ABCA4: variants seen among roughly 807,000 people sequenced by gnomAD.
ABCA4 encodes the protein retinal-specific phospholipid-transporting ATPase ABCA4.
Under a neutral mutation model 263.7 loss-of-function variants are expected in ABCA4, and 196 were observed. The ratio of observed to expected loss-of-function variants is 0.74; its 90% CI spans 0.66 to 0.84. The LOEUF (loss-of-function observed/expected upper bound fraction) is 0.84, where lower values mean the gene tolerates loss of function less well. ABCA4 is among the 40% of genes least tolerant of loss of function. The probability of loss-of-function intolerance (pLI) is 0.00; values close to 1 mark genes in which losing one functional copy is unlikely to be tolerated. For synonymous variants in ABCA4, 1,133 were observed against 1,094.2 expected (o/e 1.04, Z -0.70); for missense variants, 2,792 against 2,855.1 (o/e 0.98, Z 0.50).
chr1:94,066,872 G>A (rs147119680), intron 11 of ABCA4, among the ~76,000 whole-genome samples: 70 of 152,356 alleles, frequency 4.6e-4, no homozygotes, highest in African/African-American at 1.6e-3. Context: ...GCAGGCAGGA[G>A]CCACAAATAT....
chr1:94,028,793 C>T (rs1365850689), intron 30 of ABCA4, among the ~76,000 whole-genome samples: 1 of 151,002 alleles, frequency 6.6e-6, no homozygotes, highest in South Asian at 2.1e-4. Context: ...GCCTGTAATC[C>T]CCACTACTCG....
chr1:94,007,615 G>T lies in ABCA4; in HGVS notation c.6005+19C>A. On this transcript the variant is annotated intron_variant, in intron 43 of 49. Coordinates refer to ENST00000370225, the MANE Select transcript of ABCA4 (RefSeq NM_000350.3). ...GACCTGTGAGAGACTCCCTGAGACA[G>T]GAGGAGCAGGATACTCACCTCTTGC... is the stretch of plus-strand genomic sequence containing the variant. 6.3e-7 allele frequency: 1 copy of T among 1,592,426 alleles called. No individual in the cohort carries two copies. Among genetic ancestry groups the T allele is most frequent in the East Asian group, 2.2e-5 (1 of 44,780 alleles).
At chr1:94,110,315 C>G (rs1662569551) in intron 3 of ABCA4, among the ~76,000 whole-genome samples, 1 of 152,238 alleles carries the variant, frequency 6.6e-6, no homozygotes, top group Non-Finnish European at 1.5e-5. Context: ...TTGTAGGGCA[C>G]ATGCAGCCAT....
intron 40 of ABCA4, 42 bp from the exon 41 acceptor site, chr1:94,008,913 T>C: frequency 1.2e-6 from 2 of 1,606,650 alleles, no homozygotes; most frequent in Non-Finnish European, 1.7e-6. Context: ...GGCTGTACAG[T>C]GTCCTTGGCA....
intron 11 of ABCA4, among the ~76,000 whole-genome samples, chr1:94,074,158 T>C (rs1661477467): frequency 6.6e-6 from 1 of 152,136 alleles, no homozygotes; most frequent in Non-Finnish European, 1.5e-5. Context: ...ATCTGTTTTG[T>C]AAACAGACAC....
chr1:94,077,631 C>A, intron 11 of ABCA4, 59 bp downstream of exon 11: 2 of 1,490,850 alleles, frequency 1.3e-6, no homozygotes, highest in South Asian at 2.6e-5. Flanking sequence ...TAAGGGAGCT[C>A]TGGCCCCACT....
intron 6 of ABCA4, among the ~76,000 whole-genome samples, chr1:94,086,862 G>A (rs1490433292): frequency 6.6e-6 from 1 of 152,078 alleles, no homozygotes; most frequent in African/African-American, 2.4e-5. Context: ...CCAAGAATAC[G>A]AGATCAGCAC....
chr1:94,049,933 A>T (rs1660788309), intron 17 of ABCA4, among the ~76,000 whole-genome samples: 1 of 152,186 alleles, frequency 6.6e-6, no homozygotes, highest in Non-Finnish European at 1.5e-5. Flanking sequence ...CAGAAGGGCC[A>T]GTCAGTCTGC....
At chr1:94,012,530 A>G (rs12132787) in intron 38 of ABCA4, among the ~76,000 whole-genome samples, 29 of 152,182 alleles carry the variant, frequency 1.9e-4, no homozygotes, top group Admixed American at 3.9e-4. Flanking sequence ...ACTGAGTCCT[A>G]ATTATTTTTT....
In ABCA4 at chr1:93,993,079, T is replaced by C. The variant is rs1658912048; in HGVS notation, c.*158A>G. 2.1e-6 allele frequency: 2 copies of C among 946,890 alleles called. No individual in the cohort carries two copies. Among genetic ancestry groups the C allele is most frequent in the Non-Finnish European group, 3.2e-6 (2 of 618,984 alleles). The allele number at this position is 946,890 out of a possible 1,614,324, so 58.7% of individuals were successfully genotyped here. On this transcript the variant is annotated 3_prime_UTR_variant, in exon 50 of 50. Coordinates refer to ENST00000370225, the MANE Select transcript of ABCA4 (RefSeq NM_000350.3). ...TTTCGGTTTCCTTCTGAAAGACCTC[T>C]TTCTGAATTCGCTGCATGCTCCTCG...
Position 94,056,629 on chromosome 1 carries a change from C to A in ABCA4, c.2354G>T (p.Arg785Leu), listed in dbSNP as rs368457541. The change falls in exon 15 of 50, where the codon CGC becomes CTC. Residue 785 changes from arginine (R) to leucine (L), a missense_variant. Coordinates refer to ENST00000370225, the MANE Select transcript of ABCA4 (RefSeq NM_000350.3). ...AGCCTTCTTCAGCTCAGCGGTCATGCGGTCCTGCCAGGCGAAGCACAGGAT... is the reference window on the plus strand; with the variant it reads ...AGCCTTCTTCAGCTCAGCGGTCATGAGGTCCTGCCAGGCGAAGCACAGGAT... Reference protein sequence around the residue: ...PHILCFAWQDRMTAELKKAVS... With the variant: ...PHILCFAWQDLMTAELKKAVS... 7.4e-6 allele frequency: 12 copies of A among 1,613,378 alleles called. No homozygotes were observed. The highest frequency in any genetic ancestry group is 1.0e-5 in the Non-Finnish European group (12 of 1,180,000).
At position 94,079,473 on chromosome 1, in the gene ABCA4, C is replaced by T. The variant is rs1488335217; in HGVS notation, c.1100-12G>A. 8.1e-6 allele frequency: 13 copies of T among 1,614,156 alleles called. No individual in the cohort carries two copies. Among genetic ancestry groups the T allele is most frequent in the Non-Finnish European group, 1.1e-5 (13 of 1,180,016 alleles). On this transcript the variant is annotated splice_polypyrimidine_tract_variant and intron_variant, in intron 8 of 49. Coordinates refer to ENST00000370225, the MANE Select transcript of ABCA4 (RefSeq NM_000350.3). ...ATTACAAAAGGATGCTGCCAGGAGA[C>T]AAGGGACAGATTTTACAGAAACTCC...
chr1:94,021,319 T>C lies in ABCA4; in HGVS notation c.4939A>G (p.Arg1647Gly), dbSNP rs751534907. ...GTGATTCCATACTCCTCGGGGCTCC[T>C]GTCCTTAGGCAGGCTGGCCCGTAAG... ...AILRASLPKDRSPEEYGITVI... is the reference protein window; with the variant it reads ...AILRASLPKDGSPEEYGITVI... Residue 1647 changes from arginine (R) to glycine (G), a missense_variant, in exon 35 of 50, where the codon AGG becomes GGG. Transcript: ENST00000370225. The C allele has an allele frequency of 6.2e-7, 1 of 1,614,232 alleles. No individual in the cohort carries two copies. Among genetic ancestry groups the C allele is most frequent in the Non-Finnish European group, 8.5e-7 (1 of 1,180,042 alleles).
chr1:93,998,590 G>C (rs1383420756), intron 47 of ABCA4, among the ~76,000 whole-genome samples: 1 of 152,116 alleles, frequency 6.6e-6, no homozygotes, highest in Non-Finnish European at 1.5e-5. Flanking sequence ...AACTAGGAGA[G>C]AAAAACCATG....
chr1:94,121,098 C>T lies in ABCA4; in HGVS notation c.-53G>A. ...GTCAGAGCTGAGGCCCCTCAGACAG[C>T]AAAGGACATAAACGCCGTTAAGAGC... On this transcript the variant is annotated 5_prime_UTR_variant, in exon 1 of 50. Coordinates refer to ENST00000370225, the MANE Select transcript of ABCA4 (RefSeq NM_000350.3). 1 of 1,566,734 alleles carries T rather than the reference C, an allele frequency of 6.4e-7. No individual in the cohort carries two copies. Among genetic ancestry groups the T allele is most frequent in the Non-Finnish European group, 8.8e-7 (1 of 1,136,882 alleles).
chr1:94,040,512 A>G (rs1347611814), intron 23 of ABCA4, among the ~76,000 whole-genome samples: 2 of 152,208 alleles, frequency 1.3e-5, no homozygotes, highest in Non-Finnish European at 2.9e-5. Flanking sequence ...CTGCCATATC[A>G]TAATCATGAC....
chr1:94,018,875 T>C lies in ABCA4; in HGVS notation c.5196+707A>G, dbSNP rs556238197. 9.2e-5 allele frequency among the ~76,000 whole-genome samples: 14 copies of C among 151,818 alleles called. No individual in the cohort carries two copies. The South Asian group carries it at 2.7e-3, about 30-fold the overall frequency. On this transcript the variant is annotated intron_variant, in intron 36 of 49. Transcript: ENST00000370225. The stretch of plus-strand genomic sequence containing the variant: ...GGTAGTGTGCTATTGATTTAATAAA[T>C]ATTTTTTCTTCATTTTTCCCTGTAG...
chr1:94,106,131 C>T (rs969117398), intron 4 of ABCA4, among the ~76,000 whole-genome samples: 1 of 152,210 alleles, frequency 6.6e-6, no homozygotes, highest in Non-Finnish European at 1.5e-5. Context: ...TCTTGCAGAG[C>T]CCCCATTCCT....
chr1:94,008,887 G>C lies in ABCA4; in HGVS notation c.5715-16C>G. ...CTCGGCAATCCTAGATGAAGAAAAG[G>C]GGTCAGGATTGGGCTGGCTGTACAG... On this transcript the variant is annotated splice_polypyrimidine_tract_variant and intron_variant, in intron 40 of 49. Transcript: ENST00000370225. 1.2e-6 allele frequency: 2 copies of C among 1,611,050 alleles called. No individual in the cohort carries two copies. Among genetic ancestry groups the C allele is most frequent in the Non-Finnish European group, 8.5e-7 (1 of 1,179,856 alleles).
Sources: allele counts gnomAD v4.1 joint callset (sites outside exome capture counted in the v4.1 genomes callset), GRCh38; gene constraint gnomAD v4.1.1; transcripts MANE v1.5; gene names NCBI Gene and HGNC (gene_info 2026-07-23, HGNC 2026-07-21).